Variants in APOBEC3C observed in about 807,000 individuals in gnomAD.
APOBEC3C encodes the protein DNA dC->dU-editing enzyme APOBEC-3C.
A neutral mutation model predicts 20.6 loss-of-function variants in APOBEC3C; 14 were observed. The observed-to-expected ratio is 0.68, with a 90% CI of 0.45 to 1.06. APOBEC3C has a LOEUF of 1.06. Ranked by LOEUF, APOBEC3C falls within the 50% of genes least tolerant of loss-of-function variation. The pLI is 0.00. For synonymous variants in APOBEC3C, 98 were observed against 88.8 expected (o/e 1.10, Z -0.58); for missense variants, 244 against 241.9 (o/e 1.01, Z -0.06).
chr22:39,014,506 C>G (rs1379126672), intron 1 of APOBEC3C, 127 bp downstream of exon 1: 22 of 1,175,964 alleles, frequency 1.9e-5, no homozygotes, highest in Non-Finnish European at 2.6e-5. Context: ...CTGGTTCCCC[C>G]GCTGCCCCCA....
chr22:39,017,489 A>C (rs1233334798), intron 2 of APOBEC3C, among the ~76,000 whole-genome samples: 1 of 151,866 alleles, frequency 6.6e-6, no homozygotes, highest in African/African-American at 2.4e-5. Flanking sequence ...ATTATTTAAA[A>C]AATTAGGCAG....
rs202116707 is a variant in APOBEC3C, at chr22:39,016,657, T to A, written c.174+906T>A. 2.2e-4 allele frequency among the ~76,000 whole-genome samples: 34 copies of A among 152,214 alleles called. No individual in the cohort carries two copies. The East Asian group carries it at 6.4e-3, about 29-fold the overall frequency. ...CTCTTGACTTTGTTTCCCAAAATCT[T>A]GTTATGGAGCTGTGCGTCCGGCAGT... On this transcript the variant is annotated intron_variant, in intron 2 of 3. Coordinates refer to ENST00000361441, the MANE Select transcript of APOBEC3C (RefSeq NM_014508.3).
rs775228848 is a variant in APOBEC3C at position 39,015,619 on chromosome 22, A to T, written c.42A>T (p.Pro14=). Reference sequence around the variant, plus strand: ...GAAACCCGATGAAGGCAATGTATCCAGGCACATTCTACTTCCAATTTAAAA... The same window carrying T: ...GAAACCCGATGAAGGCAATGTATCCTGGCACATTCTACTTCCAATTTAAAA... ...QIRNPMKAMY[P]GTFYFQFKNL... is the part of the protein sequence containing the mutation. Residue 14 remains proline, a synonymous_variant, in exon 2 of 4, where the codon CCA becomes CCT. Transcript: ENST00000361441. 13 of 1,614,012 alleles carry T rather than the reference A, an allele frequency of 8.1e-6. No homozygotes were observed. The South Asian group carries it at 1.1e-4, about 14-fold the overall frequency.
At chr22:39,015,805 C>T in intron 2 of APOBEC3C, 54 bp downstream of exon 2, 1 of 1,558,638 alleles carries the variant, frequency 6.4e-7, no homozygotes, top group Non-Finnish European at 8.7e-7. Flanking sequence ...GCTGGGAATG[C>T]AGAAAACGCA....
At chr22:39,015,413 C>A (rs553330916) in intron 1 of APOBEC3C, among the ~76,000 whole-genome samples, 182 bp from the exon 2 acceptor site, 1 of 152,284 alleles carries the variant, frequency 6.6e-6, no homozygotes, top group South Asian at 2.1e-4. Flanking sequence ...CTGCCAGCGT[C>A]CCCTCCTCTT....
intron 1 of APOBEC3C, 107 bp from the exon 2 acceptor site, chr22:39,015,488 G>T: frequency 2.3e-6 from 3 of 1,293,522 alleles, no homozygotes; most frequent in Non-Finnish European, 3.2e-6. Context: ...AGGGATGGGG[G>T]AGGCCCAGAG....
Position 39,018,037 on chromosome 22 carries a change from A to G in APOBEC3C, c.446A>G (p.Asp149Gly), listed in dbSNP as rs202215677. 13 of 1,613,820 alleles carry G rather than the reference A, an allele frequency of 8.1e-6. No homozygotes were observed. Among genetic ancestry groups the G allele is most frequent in the Admixed American group, 1.7e-5 (1 of 59,990 alleles). The change falls in exon 3 of 4, where the codon GAC (aspartate) becomes GGC (glycine). Residue 149 changes from aspartate to glycine, a missense_variant. Asp to Gly is a moderately conservative substitution (Grantham distance 94). Coordinates refer to ENST00000361441, the MANE Select transcript of APOBEC3C (RefSeq NM_014508.3). ...GAAGGGGTCGCTGTGGAGATCATGG[A>G]CTATGAAGGTGAGACGTGGGGGGCT... is the stretch of plus-strand genomic sequence containing the variant. ...SQEGVAVEIM[D>G]YEDFKYCWEN...
chr22:39,016,554 C>G (rs1924792689), intron 2 of APOBEC3C, among the ~76,000 whole-genome samples: 1 of 151,958 alleles, frequency 6.6e-6, no homozygotes, highest in Non-Finnish European at 1.5e-5. Context: ...AGATCTTCCT[C>G]CCTGACTCTC....
intron 3 of APOBEC3C, 89 bp downstream of exon 3, chr22:39,018,134 C>G: frequency 1.3e-6 from 2 of 1,578,896 alleles, no homozygotes; most frequent in Non-Finnish European, 1.7e-6. Context: ...GGGTCAGTGT[C>G]CCCTGGGTGT....
At position 39,014,809 on chromosome 22, in the gene APOBEC3C, T is replaced by G. The variant is rs569395097; in HGVS notation, c.17+430T>G. ...ATTTACTTTGTTTCAATACAAAGTC[T>G]TAGGAGAGGGTGTGGGGGAGGGAAT... is the stretch of plus-strand genomic sequence containing the variant. On this transcript the variant is annotated intron_variant, in intron 1 of 3. Transcript: ENST00000361441. Among the ~76,000 whole-genome samples, 127 of 152,260 alleles carry G rather than the reference T, an allele frequency of 8.3e-4. 5 individuals carry two copies. The South Asian group carries it at 0.026, about 31-fold the overall frequency.
chr22:39,015,874 A>ATTT (rs57093395), intron 2 of APOBEC3C, 123 bp downstream of exon 2: 268 of 544,918 alleles, frequency 4.9e-4, no homozygotes, highest in African/African-American at 1.3e-3. Context: ...CCACATTTCT[A>ATTT]TTTTTTTTTT....
intron 2 of APOBEC3C, 27 bp from the exon 3 acceptor site, chr22:39,017,739 C>T: frequency 6.2e-7 from 1 of 1,605,502 alleles, no homozygotes; most frequent in African/African-American, 1.3e-5. Flanking sequence ...TCTGAGCTCC[C>T]CTGTCCTCCT....
chr22:39,015,087 CAGG>C (rs1924732989), intron 1 of APOBEC3C, among the ~76,000 whole-genome samples: 1 of 152,080 alleles, frequency 6.6e-6, no homozygotes. Context: ...CACTTGTGGT[CAGG>C]AGTTTGAGAC....
At chr22:39,014,418 A>C (rs201513442) in intron 1 of APOBEC3C, 39 bp downstream of exon 1, 383 of 1,613,402 alleles carry the variant, frequency 2.4e-4, no homozygotes, top group Non-Finnish European at 2.8e-4. Context: ...CCCTCCTGCC[A>C]CTTCCTGCCA....
At chr22:39,016,577 C>G (rs377092323) in intron 2 of APOBEC3C, among the ~76,000 whole-genome samples, 3 of 151,986 alleles carry the variant, frequency 2.0e-5, no homozygotes, top group Admixed American at 6.6e-5. Flanking sequence ...GTGATCAGAT[C>G]GTGGAGGGGG....
chr22:39,015,086 T>A (rs1924732782), intron 1 of APOBEC3C, among the ~76,000 whole-genome samples: 1 of 151,898 alleles, frequency 6.6e-6, no homozygotes, highest in African/African-American at 2.4e-5. Flanking sequence ...TCACTTGTGG[T>A]CAGGAGTTTG....
At position 39,017,978 on chromosome 22, in the gene APOBEC3C, A is replaced by G. The variant is rs1406445631; in HGVS notation, c.387A>G (p.Pro129=). ...FTARLYYFQY[P]CYQEGLRSLS... ...CCCGCCTCTACTACTTCCAGTATCCATGTTACCAGGAGGGGCTCCGCAGCC... is the reference window on the plus strand; with the variant it reads ...CCCGCCTCTACTACTTCCAGTATCCGTGTTACCAGGAGGGGCTCCGCAGCC... Residue 129 remains proline, a synonymous_variant, in exon 3 of 4, where the codon CCA becomes CCG. Transcript: ENST00000361441. The G allele has an allele frequency of 1.9e-6, 3 of 1,613,984 alleles. No homozygotes were observed. Among genetic ancestry groups the G allele is most frequent in the Non-Finnish European group, 2.5e-6 (3 of 1,180,030 alleles).
At position 39,014,273 on chromosome 22, in the gene APOBEC3C, C is replaced by T. The variant is rs547072196; in HGVS notation, c.-90C>T. 2.2e-5 allele frequency: 34 copies of T among 1,555,828 alleles called. No homozygotes were observed. The highest frequency in any genetic ancestry group is 2.6e-5 in the Non-Finnish European group (29 of 1,127,964). On this transcript the variant is annotated 5_prime_UTR_variant, in exon 1 of 4. Coordinates refer to ENST00000361441, the MANE Select transcript of APOBEC3C (RefSeq NM_014508.3). Reference sequence around the variant, plus strand: ...TGGGAGGTCACTTTAAAGAGGGCTGCTCAACTGCAAGGACGCTGTAAGCAG... The same window carrying T: ...TGGGAGGTCACTTTAAAGAGGGCTGTTCAACTGCAAGGACGCTGTAAGCAG...
intron 2 of APOBEC3C, 121 bp downstream of exon 2, chr22:39,015,872 CTAT>C: frequency 2.8e-6 from 2 of 724,922 alleles, no homozygotes; most frequent in Non-Finnish European, 4.0e-6. Context: ...TGCCACATTT[CTAT>C]TTTTTTTTTT....
Sources: gnomAD v4.1 joint callset for allele counts (sites outside exome capture counted in the v4.1 genomes callset) on GRCh38, gnomAD v4.1.1 for gene constraint, MANE v1.5 for transcripts, NCBI Gene and HGNC (gene_info 2026-07-23, HGNC 2026-07-21) for gene names.